Variants in CFAP47 observed in about 807,000 individuals in gnomAD.
The protein encoded by CFAP47 is cilia and flagella associated protein 47.
A neutral mutation model predicts 148.1 loss-of-function variants in CFAP47; 29 were observed. The observed-to-expected ratio is 0.20, with a 90% CI of 0.15 to 0.27. The LOEUF is 0.27. Ranked by LOEUF, CFAP47 falls within the 10% of genes least tolerant of loss-of-function variation. The probability of loss-of-function intolerance (pLI) is 1.00; values close to 1 mark genes in which losing one functional copy is unlikely to be tolerated. For synonymous variants in CFAP47, 664 were observed against 577.3 expected, an observed-to-expected ratio of 1.15 and a Z score of -2.15; for missense variants, 1,872 against 1,697.5, an observed-to-expected ratio of 1.10 and a Z score of -1.81.
chrX:36,200,265 A>G (rs782298735), intron 42 of CFAP47, 114 bp from the exon 43 acceptor site: 1 of 281,309 alleles, frequency 3.6e-6, no homozygotes, highest in East Asian at 5.0e-5. Context: ...TGTGTTGCTT[A>G]TAAAAGCACA....
chrX:36,193,356 A>T (rs1349783433), intron 42 of CFAP47, among the ~76,000 whole-genome samples: 1 of 112,070 alleles, frequency 8.9e-6, no homozygotes, highest in East Asian at 2.8e-4. Context: ...AAGCAGACTA[A>T]CTTTTGTTTT....
intron 58 of CFAP47, among the ~76,000 whole-genome samples, 158 bp from the exon 59 acceptor site, chrX:36,349,880 G>A (rs782733060): frequency 8.9e-6 from 1 of 111,902 alleles, no homozygotes; most frequent in East Asian, 2.8e-4. Context: ...TATAAAATCA[G>A]TATTTGCAGA....
Position 35,920,036 on chromosome X carries a change from C to A in CFAP47, c.237C>A (p.Pro79=). ...ACCAGAAAATCCGATTTAAGGAGCC[C>A]GTCAAGCCACAGGTGACACACTAAG... ...RWNQKIRFKE[P]VKPQFKLMLT... The change falls in exon 1 of 64, where the codon CCC becomes CCA. Residue 79 remains proline, a synonymous_variant. Coordinates refer to ENST00000378653, the MANE Select transcript of CFAP47 (RefSeq NM_001304548.2). The A allele has an allele frequency of 3.4e-6, 4 of 1,188,993 alleles. No homozygotes were observed. The highest frequency in any genetic ancestry group is 4.7e-4 in the Middle Eastern group (2 of 4,250).
intron 51 of CFAP47, among the ~76,000 whole-genome samples, chrX:36,294,492 G>T (rs1212551787): frequency 9.0e-6 from 1 of 111,087 alleles, no homozygotes; most frequent in Non-Finnish European, 1.9e-5. Flanking sequence ...AGGCCGATCA[G>T]GAGGTCAGGA....
In CFAP47 at chrX:36,000,267, AT is replaced by A; in HGVS notation, c.3178-10del. 3.4e-6 allele frequency: 1 copy of A among 290,113 alleles called. No homozygotes were observed. The highest frequency in any genetic ancestry group is 6.0e-6 in the Non-Finnish European group (1 of 165,761). The allele number at this position is 290,113 out of a possible 1,213,427, so 23.9% of individuals were successfully genotyped here. A position where few individuals can be genotyped will look rare whatever the true frequency, so the allele number is the denominator to read the frequency against. ...ACTATTCTATTTTCTAATTATTTTTATTTTTTAAATTTTAGGATGTATTTAA... is the reference window on the plus strand; with the variant it reads ...ACTATTCTATTTTCTAATTATTTTTATTTTTAAATTTTAGGATGTATTTAA... On this transcript the variant is annotated splice_polypyrimidine_tract_variant and intron_variant, in intron 19 of 63. Coordinates refer to ENST00000378653, the MANE Select transcript of CFAP47 (RefSeq NM_001304548.2).
chrX:36,277,801 A>AT (rs1336156890), intron 49 of CFAP47, among the ~76,000 whole-genome samples: 4 of 112,093 alleles, frequency 3.6e-5, no homozygotes, highest in Non-Finnish European at 5.6e-5. Flanking sequence ...AATATAGAAT[A>AT]TTACCATCTT....
intron 2 of CFAP47, among the ~76,000 whole-genome samples, chrX:35,939,408 A>G (rs1935965611): frequency 1.0e-5 from 1 of 100,282 alleles, no homozygotes; most frequent in South Asian, 5.3e-4. Context: ...CTCGTCATCT[A>G]GCATTAGGTA....
At chrX:36,290,628 A>T (rs1464029109) in intron 51 of CFAP47, among the ~76,000 whole-genome samples, 1 of 112,155 alleles carries the variant, frequency 8.9e-6, no homozygotes, top group African/African-American at 3.2e-5. Flanking sequence ...GATGGAGGGA[A>T]TTTGGTCCTT....
At chrX:36,141,371 G>A (rs1939136764) in intron 35 of CFAP47, among the ~76,000 whole-genome samples, 1 of 111,539 alleles carries the variant, frequency 9.0e-6, no homozygotes, top group South Asian at 3.8e-4. Context: ...AAGGACAGGA[G>A]GAGAAAAGGT....
chrX:35,976,602 G>A (rs886257268), intron 15 of CFAP47, among the ~76,000 whole-genome samples: 3 of 111,226 alleles, frequency 2.7e-5, no homozygotes, highest in African/African-American at 9.8e-5. Context: ...CTACAGCCTG[G>A]AGCAGTTGAC....
At chrX:36,339,255 T>C (rs1358591200) in intron 57 of CFAP47, among the ~76,000 whole-genome samples, 1 of 111,490 alleles carries the variant, frequency 9.0e-6, no homozygotes, top group African/African-American at 3.3e-5. Context: ...CACTTATAAA[T>C]AACTTGCCTA....
intron 62 of CFAP47, 72 bp from the exon 63 acceptor site, chrX:36,379,278 T>C (rs1355847189): frequency 5.4e-6 from 5 of 930,377 alleles, no homozygotes; most frequent in Middle Eastern, 2.6e-4. Context: ...CAAATTCTAC[T>C]CATCAAGTTC....
intron 24 of CFAP47, 37 bp from the exon 25 acceptor site, chrX:36,038,947 C>T: frequency 4.1e-6 from 3 of 739,170 alleles, no homozygotes; most frequent in Non-Finnish European, 5.6e-6. Flanking sequence ...TGTGTTTTAA[C>T]TAATTTAAAA....
intron 26 of CFAP47, among the ~76,000 whole-genome samples, chrX:36,063,487 T>C (rs971542907): frequency 1.8e-5 from 2 of 111,753 alleles, no homozygotes; most frequent in African/African-American, 6.5e-5. Context: ...TTGTATATGT[T>C]TGGCTATTTT....
chrX:36,026,592 G>A (rs1381748695), intron 22 of CFAP47, among the ~76,000 whole-genome samples: 1 of 110,604 alleles, frequency 9.0e-6, no homozygotes. Context: ...CCTTATTTTT[G>A]TACTCTTAAT....
chrX:36,134,518 G>A (rs1251520980), intron 33 of CFAP47, among the ~76,000 whole-genome samples: 1 of 110,835 alleles, frequency 9.0e-6, no homozygotes, highest in Non-Finnish European at 1.9e-5. Context: ...AAGTGCAAAA[G>A]CAATTAAATC....
intron 29 of CFAP47, among the ~76,000 whole-genome samples, chrX:36,075,623 A>G (rs1034904094): frequency 6.3e-5 from 7 of 111,812 alleles, no homozygotes; most frequent in Non-Finnish European, 1.1e-4. Context: ...TGTGGAATAC[A>G]AATAATCCTG....
chrX:36,042,316 A>C (rs1937415441), intron 25 of CFAP47, among the ~76,000 whole-genome samples: 1 of 111,672 alleles, frequency 9.0e-6, no homozygotes, highest in Non-Finnish European at 1.9e-5. Flanking sequence ...GGGATAAGAA[A>C]AACAAAATGT....
intron 29 of CFAP47, among the ~76,000 whole-genome samples, chrX:36,079,075 G>A (rs1270752507): frequency 9.0e-6 from 1 of 111,583 alleles, no homozygotes; most frequent in Non-Finnish European, 1.9e-5. Context: ...TCCCTTTGTG[G>A]GTAACCCGAC....
Sources: gnomAD v4.1 joint callset for allele counts (sites outside exome capture counted in the v4.1 genomes callset) on GRCh38, gnomAD v4.1.1 for gene constraint, MANE v1.5 for transcripts, NCBI Gene and HGNC (gene_info 2026-07-23, HGNC 2026-07-21) for gene names.